The following RAB3B variants were observed in gnomAD, a reference collection of about 807,000 sequenced individuals.
The protein encoded by RAB3B is ras-related protein Rab-3B.
RAB3B carries 11 observed loss-of-function variants against 20.5 expected under a neutral mutation model. That is an observed-to-expected ratio of 0.54 (90% CI 0.34 to 0.89). The LOEUF (loss-of-function observed/expected upper bound fraction) is 0.89, where lower values mean the gene tolerates loss of function less well. RAB3B is among the 40% of genes least tolerant of loss of function. RAB3B has a pLI of 0.02. For synonymous variants in RAB3B, 99 were observed against 106.3 expected (o/e 0.93, Z 0.42); for missense variants, 225 against 280.9 (o/e 0.80, Z 1.42).
At chr1:51,932,028 A>C (rs1449813195) in intron 4 of RAB3B, among the ~76,000 whole-genome samples, 1 of 152,254 alleles carries the variant, frequency 6.6e-6, no homozygotes, top group East Asian at 1.9e-4. Context: ...CCTCTGTGAT[A>C]GTGTAGAGAC....
intron 1 of RAB3B, among the ~76,000 whole-genome samples, chr1:51,977,576 C>G (rs749831442): frequency 5.3e-5 from 8 of 152,178 alleles, no homozygotes; most frequent in Non-Finnish European, 1.0e-4. Context: ...CTGGAGGAAG[C>G]AGCTCCTGAG....
rs1330681500 is a variant in RAB3B at position 51,914,187 on chromosome 1, A to T, written c.*5740T>A. ...GCCAGGCAGTCTAACAATGTTTCAC[A>T]GGTAGAGATATTCTTTCTCCTATCC... On this transcript the variant is annotated 3_prime_UTR_variant, in exon 5 of 5. Coordinates refer to ENST00000371655, the MANE Select transcript of RAB3B (RefSeq NM_002867.4). 1 of 152,228 alleles carries T rather than the reference A, an allele frequency of 6.6e-6. No homozygotes were observed. Among genetic ancestry groups the T allele is most frequent in the Non-Finnish European group, 1.5e-5 (1 of 68,038 alleles). 9.4% of individuals were successfully genotyped at this position (152,228 alleles called of 1,614,324 possible). A position where few individuals can be genotyped will look rare whatever the true frequency, so the allele number is the denominator to read the frequency against.
intron 1 of RAB3B, among the ~76,000 whole-genome samples, chr1:51,978,777 A>G (rs556475914): frequency 3.3e-5 from 5 of 152,066 alleles, no homozygotes; most frequent in Non-Finnish European, 7.4e-5. Context: ...CATTCTTTTT[A>G]GGAATTCCTG....
intron 2 of RAB3B, among the ~76,000 whole-genome samples, chr1:51,958,447 G>A (rs1557971864): frequency 6.6e-6 from 1 of 152,170 alleles, no homozygotes; most frequent in Non-Finnish European, 1.5e-5. Flanking sequence ...TACTCGGCCG[G>A]GCGCGGTGGC....
rs1378424695 is a variant in RAB3B, at chr1:51,909,250, G to A, written c.*10677C>T. 1 of 148,300 alleles carries A rather than the reference G, an allele frequency of 6.7e-6. No homozygotes were observed. Among genetic ancestry groups the A allele is most frequent in the Non-Finnish European group, 1.5e-5 (1 of 67,536 alleles). The allele number at this position is 148,300 out of a possible 1,614,324, so 9.2% of individuals were successfully genotyped here. ...AGGGGATCCTTGGAAAGGGCTCTGA[G>A]AGGGGTGTATTCGTTTCATTCTGAG... On this transcript the variant is annotated 3_prime_UTR_variant, in exon 5 of 5. Coordinates refer to ENST00000371655, the MANE Select transcript of RAB3B (RefSeq NM_002867.4).
intron 2 of RAB3B, among the ~76,000 whole-genome samples, chr1:51,974,596 T>C (rs1023056834): frequency 2.0e-5 from 3 of 152,188 alleles, no homozygotes; most frequent in Non-Finnish European, 4.4e-5. Context: ...ATATTTGACA[T>C]TATCATGAAG....
Position 51,916,248 on chromosome 1 carries a change from C to CA in RAB3B, c.*3678dup, listed in dbSNP as rs1684083303. 6.6e-6 allele frequency: 1 copy of CA among 152,204 alleles called. No individual in the cohort carries two copies. Among genetic ancestry groups the CA allele is most frequent in the Admixed American group, 6.5e-5 (1 of 15,276 alleles). 9.4% of individuals were successfully genotyped at this position (152,204 alleles called of 1,614,324 possible). ...TCTGTTGCCCAGTAGACAAGCTTGC[C>CA]ACTATAACATTTAACTCTTGATTCC... On this transcript the variant is annotated 3_prime_UTR_variant, in exon 5 of 5. Coordinates refer to ENST00000371655, the MANE Select transcript of RAB3B (RefSeq NM_002867.4).
intron 4 of RAB3B, among the ~76,000 whole-genome samples, chr1:51,924,786 C>T (rs1490238156): frequency 6.6e-6 from 1 of 152,112 alleles, no homozygotes; most frequent in South Asian, 2.1e-4. Context: ...CTGTCAGATT[C>T]CTGAAATATT....
intron 3 of RAB3B, among the ~76,000 whole-genome samples, chr1:51,935,220 C>A (rs1684381417): frequency 6.6e-6 from 1 of 152,208 alleles, no homozygotes; most frequent in South Asian, 2.1e-4. Flanking sequence ...TAACTGCAAC[C>A]TGAACCTACT....
At chr1:51,988,563 T>C (rs1685178945) in intron 1 of RAB3B, among the ~76,000 whole-genome samples, 2 of 152,308 alleles carry the variant, frequency 1.3e-5, no homozygotes, top group Non-Finnish European at 2.9e-5. Flanking sequence ...TCTTTGTACA[T>C]TGTTTTACAG....
chr1:51,974,344 C>T (rs574916501), intron 2 of RAB3B, among the ~76,000 whole-genome samples: 1 of 152,318 alleles, frequency 6.6e-6, no homozygotes, highest in Admixed American at 6.5e-5. Context: ...CACAAAACCA[C>T]CTGGAAAATT....
intron 2 of RAB3B, among the ~76,000 whole-genome samples, chr1:51,943,028 T>C (rs1485966759): frequency 6.6e-6 from 1 of 152,102 alleles, no homozygotes; most frequent in Non-Finnish European, 1.5e-5. Context: ...CCCCCATCTC[T>C]CCCTCTCTTC....
intron 2 of RAB3B, among the ~76,000 whole-genome samples, chr1:51,947,945 T>C (rs919102097): frequency 3.3e-5 from 5 of 152,110 alleles, no homozygotes; most frequent in East Asian, 1.9e-4. Flanking sequence ...TATTAGAACA[T>C]TTCTTCCTTT....
chr1:51,937,307 C>T lies in RAB3B; in HGVS notation c.334G>A (p.Ala112Thr), dbSNP rs764075105. ...TGGGTCTCATACCAGTCTTGGACAG[C>T]ATTGAAGGACTCTTCATTGGTGATG... ...YDITNEESFNAVQDWATQIKT... is the reference protein window; with the variant it reads ...YDITNEESFNTVQDWATQIKT... Residue 112 changes from alanine to threonine, a missense_variant, in exon 3 of 5, where the codon GCT (alanine) becomes ACT (threonine). Ala to Thr is a moderately conservative substitution (Grantham distance 58). Coordinates refer to ENST00000371655, the MANE Select transcript of RAB3B (RefSeq NM_002867.4). 6.2e-7 allele frequency: 1 copy of T among 1,607,922 alleles called. No homozygotes were observed. Among genetic ancestry groups the T allele is most frequent in the Non-Finnish European group, 8.5e-7 (1 of 1,175,644 alleles).
intron 2 of RAB3B, among the ~76,000 whole-genome samples, chr1:51,964,721 T>C (rs1490541053): frequency 6.6e-6 from 1 of 152,132 alleles, no homozygotes; most frequent in Non-Finnish European, 1.5e-5. Context: ...TCTTTCTCTC[T>C]CCACATCTAA....
chr1:51,911,792 G>C lies in RAB3B; in HGVS notation c.*8135C>G, dbSNP rs1684001903. The stretch of plus-strand genomic sequence containing the variant: ...TTGCCACTCAAATGGAAAAAGAATA[G>C]GTCCAGCTTTTTATAAAAATCTTAG... On this transcript the variant is annotated 3_prime_UTR_variant, in exon 5 of 5. Coordinates refer to ENST00000371655, the MANE Select transcript of RAB3B (RefSeq NM_002867.4). The C allele has an allele frequency of 6.6e-6, 1 of 152,160 alleles. No individual in the cohort carries two copies. The highest frequency in any genetic ancestry group is 1.5e-5 in the Non-Finnish European group (1 of 68,032). The allele number at this position is 152,160 out of a possible 1,614,324, so 9.4% of individuals were successfully genotyped here.
intron 2 of RAB3B, among the ~76,000 whole-genome samples, chr1:51,967,061 C>G (rs1374637218): frequency 6.6e-6 from 1 of 152,168 alleles, no homozygotes; most frequent in Non-Finnish European, 1.5e-5. Flanking sequence ...GCCCGTAATC[C>G]CAGCACTTTG....
intron 4 of RAB3B, among the ~76,000 whole-genome samples, chr1:51,930,493 C>T (rs1318815955): frequency 6.6e-6 from 1 of 152,122 alleles, no homozygotes; most frequent in Non-Finnish European, 1.5e-5. Flanking sequence ...CTGGTTCTAC[C>T]CTCTTACTAG....
intron 2 of RAB3B, among the ~76,000 whole-genome samples, chr1:51,943,115 G>A (rs1684516711): frequency 6.6e-6 from 1 of 152,236 alleles, no homozygotes; most frequent in South Asian, 2.1e-4. Context: ...CCAGCGTGGT[G>A]GCTCATGCCT....
Sources: gnomAD v4.1 joint callset for allele counts (sites outside exome capture counted in the v4.1 genomes callset) on GRCh38, gnomAD v4.1.1 for gene constraint, MANE v1.5 for transcripts, NCBI Gene and HGNC (gene_info 2026-07-23, HGNC 2026-07-21) for gene names.